NDUFAF2: variants seen among roughly 807,000 people sequenced by gnomAD.
NDUFAF2 encodes the protein NADH:ubiquinone oxidoreductase complex assembly factor 2, also known as NADH dehydrogenase [ubiquinone] 1 alpha subcomplex assembly factor 2.
A neutral mutation model predicts 22.8 loss-of-function variants in NDUFAF2; 13 were observed. The observed-to-expected ratio is 0.57, with a 90% CI of 0.37 to 0.91. The LOEUF (loss-of-function observed/expected upper bound fraction) is 0.91, where lower values mean the gene tolerates loss of function less well. Ranked by LOEUF, NDUFAF2 falls within the 40% of genes least tolerant of loss-of-function variation. The pLI, the probability that NDUFAF2 is intolerant of heterozygous loss-of-function variation, is 0.01. For missense variants in NDUFAF2, 162 were observed against 195.2 expected (o/e 0.83, Z 1.01); for synonymous variants, 53 against 64.2 (o/e 0.83, Z 0.84).
chr5:61,113,516 C>T (rs928410402), intron 3 of NDUFAF2, among the ~76,000 whole-genome samples: 2 of 152,092 alleles, frequency 1.3e-5, no homozygotes, highest in African/African-American at 4.8e-5. Context: ...GGGAGGGACC[C>T]AGTGGGAGGT....
intron 1 of NDUFAF2, among the ~76,000 whole-genome samples, chr5:60,995,490 C>CAG (rs921643164): frequency 1.9e-4 from 29 of 152,210 alleles, no homozygotes; most frequent in African/African-American, 6.5e-4. Context: ...GATTACCAGG[C>CAG]AGAGACTCTT....
intron 1 of NDUFAF2, among the ~76,000 whole-genome samples, chr5:60,952,231 G>A (rs746469511): frequency 1.7e-4 from 26 of 151,230 alleles, no homozygotes; most frequent in African/African-American, 2.2e-4. Flanking sequence ...CTCTTATATC[G>A]TCATCGTTTT....
At chr5:61,031,833 C>G (rs755717051) in intron 1 of NDUFAF2, among the ~76,000 whole-genome samples, 40 of 152,110 alleles carry the variant, frequency 2.6e-4, no homozygotes, top group Non-Finnish European at 4.3e-4. Flanking sequence ...CTAATTTATA[C>G]TCTCACCAAC....
intron 1 of NDUFAF2, among the ~76,000 whole-genome samples, chr5:60,963,661 A>C (rs1385114200): frequency 6.6e-6 from 1 of 152,256 alleles, no homozygotes; most frequent in African/African-American, 2.4e-5. Context: ...CTATATTAAT[A>C]AGCAGAATAC....
At position 60,990,619 on chromosome 5, in the gene NDUFAF2, A is replaced by C. The variant is rs796370802; in HGVS notation, c.127+45237A>C. 2.0e-4 allele frequency among the ~76,000 whole-genome samples: 31 copies of C among 152,264 alleles called. 1 individual carries two copies. Among genetic ancestry groups the C allele is most frequent in the African/African-American group, 7.2e-4 (30 of 41,568 alleles). On this transcript the variant is annotated intron_variant, in intron 1 of 3. Coordinates refer to ENST00000296597, the MANE Select transcript of NDUFAF2 (RefSeq NM_174889.5). ...TCCTGCCTTTATCTTTAATGTTTTC[A>C]CATGAGAGGATTGACTTTGTACTTG...
intron 1 of NDUFAF2, among the ~76,000 whole-genome samples, chr5:60,979,707 A>G (rs991322893): frequency 6.6e-6 from 1 of 152,156 alleles, no homozygotes; most frequent in Non-Finnish European, 1.5e-5. Context: ...CCTGAATGGC[A>G]TCTCTGGACC....
chr5:61,002,553 TA>T (rs1751310234), intron 1 of NDUFAF2, among the ~76,000 whole-genome samples: 3 of 152,332 alleles, frequency 2.0e-5, no homozygotes, highest in African/African-American at 7.2e-5. Flanking sequence ...ACCCAAATGG[TA>T]TACTTATCCG....
intron 1 of NDUFAF2, among the ~76,000 whole-genome samples, chr5:60,962,614 C>T (rs1248384503): frequency 6.6e-6 from 1 of 151,982 alleles, no homozygotes. Context: ...GGGCAGATCA[C>T]GAGGTCAGGA....
In NDUFAF2 at chr5:60,988,559, A is replaced by G. The variant is rs140262875; in HGVS notation, c.127+43177A>G. ...ACAGGGCTGTAGTAACCAAAACAGTATGGTACTGGTACAAAAACAGGCACA... is the reference window on the plus strand; with the variant it reads ...ACAGGGCTGTAGTAACCAAAACAGTGTGGTACTGGTACAAAAACAGGCACA... On this transcript the variant is annotated intron_variant, in intron 1 of 3. Transcript: ENST00000296597. Among the ~76,000 whole-genome samples the G allele has an allele frequency of 2.4e-3, 358 of 152,328 alleles. 1 individual carries two copies. Among genetic ancestry groups the G allele is most frequent in the African/African-American group, 8.2e-3 (342 of 41,576 alleles).
chr5:60,990,185 G>C (rs1751139836), intron 1 of NDUFAF2, among the ~76,000 whole-genome samples: 1 of 151,930 alleles, frequency 6.6e-6, no homozygotes, highest in South Asian at 2.1e-4. Flanking sequence ...AGTTGTTAAT[G>C]GTTGCAAAAA....
At chr5:61,115,811 A>G (rs1302659636) in intron 3 of NDUFAF2, 1 of 152,200 alleles carries the variant, frequency 6.6e-6, no homozygotes, top group Non-Finnish European at 1.5e-5. Context: ...ATTAAATAAT[A>G]GCATTATATC....
At chr5:60,966,438 T>C (rs1046203507) in intron 1 of NDUFAF2, among the ~76,000 whole-genome samples, 1 of 152,158 alleles carries the variant, frequency 6.6e-6, no homozygotes, top group African/African-American at 2.4e-5. Flanking sequence ...AAGAAATTAT[T>C]GCCAAGGCCA....
intron 1 of NDUFAF2, among the ~76,000 whole-genome samples, chr5:61,043,673 G>A (rs143695575): frequency 7.0e-6 from 1 of 142,068 alleles, no homozygotes; most frequent in African/African-American, 2.8e-5. Context: ...TTTGAAAGCT[G>A]TATATATGTG....
intron 3 of NDUFAF2, among the ~76,000 whole-genome samples, chr5:61,143,002 G>C (rs1406170077): frequency 6.6e-6 from 1 of 152,010 alleles, no homozygotes; most frequent in Non-Finnish European, 1.5e-5. Context: ...AATAAAATTC[G>C]AGCTGAGACA....
Position 61,109,140 on chromosome 5 carries a change from T to A in NDUFAF2, c.258+10108T>A, listed in dbSNP as rs114960595. Reference sequence around the variant, plus strand: ...TGTCCTCTTCATTTTCTTGCATCAATGTTTTATAGGTTTCATTGTACAGAT... The same window carrying A: ...TGTCCTCTTCATTTTCTTGCATCAAAGTTTTATAGGTTTCATTGTACAGAT... On this transcript the variant is annotated intron_variant, in intron 3 of 3. Coordinates refer to ENST00000296597, the MANE Select transcript of NDUFAF2 (RefSeq NM_174889.5). Among the ~76,000 whole-genome samples the A allele has an allele frequency of 1.0e-3, 158 of 152,282 alleles. 2 individuals carry two copies. Among genetic ancestry groups the A allele is most frequent in the African/African-American group, 3.7e-3 (154 of 41,582 alleles).
At chr5:61,010,300 T>C (rs1258351159) in intron 1 of NDUFAF2, among the ~76,000 whole-genome samples, 1 of 152,142 alleles carries the variant, frequency 6.6e-6, no homozygotes, top group Non-Finnish European at 1.5e-5. Flanking sequence ...GGAGGCATTA[T>C]TACAAGGTGT....
intron 1 of NDUFAF2, among the ~76,000 whole-genome samples, chr5:61,056,438 C>CA (rs1390890682): frequency 6.6e-6 from 1 of 152,200 alleles, no homozygotes; most frequent in African/African-American, 2.4e-5. Context: ...CATGCTCCTA[C>CA]AGCCTGCCTT....
At chr5:60,997,293 G>A (rs1230384312) in intron 1 of NDUFAF2, among the ~76,000 whole-genome samples, 1 of 152,166 alleles carries the variant, frequency 6.6e-6, no homozygotes, top group Non-Finnish European at 1.5e-5. Context: ...CATTAAAAAG[G>A]TCTGTCTGAC....
chr5:61,061,157 C>T (rs763959582), intron 1 of NDUFAF2, among the ~76,000 whole-genome samples: 10 of 152,184 alleles, frequency 6.6e-5, no homozygotes, highest in Non-Finnish European at 1.0e-4. Context: ...TAATATCTTG[C>T]GCAGCTTTCA....
Sources: allele counts gnomAD v4.1 joint callset (sites outside exome capture counted in the v4.1 genomes callset), GRCh38; gene constraint gnomAD v4.1.1; transcripts MANE v1.5; gene names NCBI Gene and HGNC (gene_info 2026-07-23, HGNC 2026-07-21).